Variants in PGR observed in about 807,000 individuals in gnomAD.
PGR encodes nuclear receptor subfamily 3 group C member 3.
A neutral mutation model predicts 76.1 loss-of-function variants in PGR; 25 were observed. The ratio of observed to expected loss-of-function variants is 0.33; its 90% confidence interval spans 0.24 to 0.46. PGR has a LOEUF of 0.46. PGR is among the 20% of genes least tolerant of loss of function. The pLI is 1.00. For synonymous variants in PGR, 579 were observed against 535.0 expected (o/e 1.08, Z -1.14); for missense variants, 1,172 against 1,225.3 (o/e 0.96, Z 0.65).
At position 101,033,563 on chromosome 11, in the gene PGR, G is replaced by T. The variant is rs1250347739; in HGVS notation, c.*5553C>A. Reference sequence around the variant, plus strand: ...ATATCAAATCTGTGTGGATATAATTGTTATTCATGCTGCTCAGCAGCTTTC... The same window carrying T: ...ATATCAAATCTGTGTGGATATAATTTTTATTCATGCTGCTCAGCAGCTTTC... On this transcript the variant is annotated 3_prime_UTR_variant, in exon 8 of 8. Transcript: ENST00000325455. The T allele has an allele frequency of 5.1e-6, 1 of 194,878 alleles. No homozygotes were observed. Among genetic ancestry groups the T allele is most frequent in the African/African-American group, 2.3e-5 (1 of 43,272 alleles). The allele number at this position is 194,878 out of a possible 1,614,324, so 12.1% of individuals were successfully genotyped here. A position where few individuals can be genotyped will look rare whatever the true frequency, so the allele number is the denominator to read the frequency against.
chr11:101,072,235 T>C (rs1263103999), intron 3 of PGR, among the ~76,000 whole-genome samples: 1 of 152,122 alleles, frequency 6.6e-6, no homozygotes, highest in African/African-American at 2.4e-5. Flanking sequence ...CTAAGCTTCA[T>C]AAGCAAAGGA....
intron 2 of PGR, among the ~76,000 whole-genome samples, chr11:101,119,714 GAAT>G (rs1862616406): frequency 6.6e-6 from 1 of 152,162 alleles, no homozygotes. Context: ...GAGCTGTTCT[GAAT>G]AGAAGAAGGA....
At chr11:101,100,168 T>C (rs1247188373) in intron 2 of PGR, among the ~76,000 whole-genome samples, 1 of 152,180 alleles carries the variant, frequency 6.6e-6, no homozygotes, top group Non-Finnish European at 1.5e-5. Flanking sequence ...GGGAGGTAAT[T>C]GAATCATGGG....
Position 101,128,394 on chromosome 11 carries a change from C to T in PGR, c.677G>A (p.Gly226Asp). 1 of 1,610,008 alleles carries T rather than the reference C, an allele frequency of 6.2e-7. No homozygotes were observed. The highest frequency in any genetic ancestry group is 2.2e-5 in the East Asian group (1 of 44,848). Residue 226 changes from glycine to aspartate, a missense_variant, in exon 1 of 8, where the codon GGC becomes GAC. Gly to Asp is a moderately conservative substitution (Grantham distance 94). This residue lies in a region of PGR where 893 missense variants were observed against 785.9 expected (regional missense o/e 1.14). Transcript: ENST00000325455. ...ACCCGCAGACTCCTCGGACTCAGAG[C>T]CATCCTCCTCCTCAACCTCCACCGC... ...AAAVEVEEED[G>D]SESEESAGPL...
At position 101,031,856 on chromosome 11, in the gene PGR, C is replaced by T. The variant is rs1045212144; in HGVS notation, c.*7260G>A. On this transcript the variant is annotated 3_prime_UTR_variant, in exon 8 of 8. Coordinates refer to ENST00000325455, the MANE Select transcript of PGR (RefSeq NM_000926.4). ...CCTCTCGAGGTTCCAAGAATCTATA[C>T]AAAGAATGTGTTTATTTTGTATGGG... The T allele has an allele frequency of 4.4e-6, 1 of 229,182 alleles. No homozygotes were observed. Among genetic ancestry groups the T allele is most frequent in the Non-Finnish European group, 8.7e-6 (1 of 115,592 alleles). 14.2% of individuals were successfully genotyped at this position (229,182 alleles called of 1,614,324 possible).
At chr11:101,104,804 A>G (rs577969845) in intron 2 of PGR, among the ~76,000 whole-genome samples, 2 of 152,208 alleles carry the variant, frequency 1.3e-5, no homozygotes, top group South Asian at 4.1e-4. Context: ...TTTTTTCAGC[A>G]AATAAATTTT....
intron 2 of PGR, among the ~76,000 whole-genome samples, chr11:101,125,217 T>C (rs1225381368): frequency 6.6e-6 from 1 of 152,154 alleles, no homozygotes; most frequent in Non-Finnish European, 1.5e-5. Context: ...GATGTTTGGC[T>C]GCTTAGACTT....
At chr11:101,051,750 A>G (rs958514919) in intron 4 of PGR, among the ~76,000 whole-genome samples, 182 bp from the exon 5 acceptor site, 2 of 152,186 alleles carry the variant, frequency 1.3e-5, no homozygotes, top group African/African-American at 4.8e-5. Context: ...AATATCAGCA[A>G]CTTTGGAAGT....
intron 2 of PGR, among the ~76,000 whole-genome samples, chr11:101,106,021 C>T (rs1447491039): frequency 2.0e-5 from 3 of 152,130 alleles, no homozygotes; most frequent in Admixed American, 2.0e-4. Context: ...ACTGGCTAGC[C>T]ATAAGCAGAA....
At chr11:101,106,153 G>T (rs1304780483) in intron 2 of PGR, among the ~76,000 whole-genome samples, 3 of 152,190 alleles carry the variant, frequency 2.0e-5, no homozygotes, top group African/African-American at 4.8e-5. Flanking sequence ...ACACTATTCA[G>T]GAGATAGGTG....
At chr11:101,052,284 TG>T in intron 4 of PGR, among the ~76,000 whole-genome samples, 1 of 39,588 alleles carries the variant, frequency 2.5e-5, no homozygotes, top group South Asian at 1.5e-3. Context: ...TGTGTGTGTG[TG>T]TGTGTGTGTG....
intron 3 of PGR, among the ~76,000 whole-genome samples, chr11:101,079,719 A>T (rs1861237596): frequency 6.6e-6 from 1 of 152,230 alleles, no homozygotes; most frequent in Non-Finnish European, 1.5e-5. Flanking sequence ...TAAAACTAAA[A>T]ACAGAACTAC....
At chr11:101,106,473 A>C (rs2135479524) in intron 2 of PGR, among the ~76,000 whole-genome samples, 1 of 152,348 alleles carries the variant, frequency 6.6e-6, no homozygotes, top group Admixed American at 6.5e-5. Flanking sequence ...AATGCTCATC[A>C]TCACTAGTCA....
intron 3 of PGR, among the ~76,000 whole-genome samples, chr11:101,086,004 A>C (rs765114542): frequency 2.0e-5 from 3 of 152,190 alleles, no homozygotes; most frequent in Non-Finnish European, 4.4e-5. Flanking sequence ...TTCACAGCTA[A>C]ATTCTACCAG....
intron 2 of PGR, among the ~76,000 whole-genome samples, chr11:101,109,506 T>C (rs1862277977): frequency 6.6e-6 from 1 of 152,184 alleles, no homozygotes; most frequent in Non-Finnish European, 1.5e-5. Flanking sequence ...GCCACAACAT[T>C]CCCTTCAGCC....
intron 2 of PGR, among the ~76,000 whole-genome samples, chr11:101,107,289 T>A (rs1216923597): frequency 6.6e-6 from 1 of 152,222 alleles, no homozygotes; most frequent in Non-Finnish European, 1.5e-5. Flanking sequence ...CTATCTTAAA[T>A]TGAATGAATC....
chr11:101,114,157 G>T (rs1264918786), intron 2 of PGR, among the ~76,000 whole-genome samples: 2 of 151,920 alleles, frequency 1.3e-5, no homozygotes, highest in East Asian at 1.9e-4. Flanking sequence ...TCCATACCCC[G>T]CATTTAAACA....
intron 3 of PGR, among the ~76,000 whole-genome samples, chr11:101,068,094 TTAATCA>T (rs1273065580): frequency 1.7e-4 from 26 of 152,328 alleles, no homozygotes; most frequent in African/African-American, 5.8e-4. Flanking sequence ...GAGGTGGATG[TTAATCA>T]TATTGTTTCT....
At chr11:101,103,069 T>A (rs1862045685) in intron 2 of PGR, among the ~76,000 whole-genome samples, 1 of 151,162 alleles carries the variant, frequency 6.6e-6, no homozygotes, top group Admixed American at 6.6e-5. Context: ...CACCTGCTGC[T>A]CACCTCCTGC....
Sources: allele counts gnomAD v4.1 joint callset (sites outside exome capture counted in the v4.1 genomes callset), GRCh38; gene constraint gnomAD v4.1.1; regional missense constraint gnomAD v4.1.1; transcripts MANE v1.5; gene names NCBI Gene and HGNC (gene_info 2026-07-23, HGNC 2026-07-21).